Variants in MYOM3 observed in about 807,000 individuals in gnomAD.
MYOM3 encodes myomesin-3.
MYOM3 carries 155 observed loss-of-function variants against 191.7 expected under a neutral mutation model. The observed-to-expected ratio is 0.81, with a 90% CI of 0.71 to 0.92. MYOM3 has a LOEUF of 0.92. MYOM3 is among the 40% of genes least tolerant of loss of function. The pLI, the probability that MYOM3 is intolerant of heterozygous loss-of-function variation, is 0.00. For missense variants in MYOM3, 1,889 were observed against 1,890.6 expected, an observed-to-expected ratio of 1.00 and a Z score of 0.02; for synonymous variants, 757 against 762.9, an observed-to-expected ratio of 0.99 and a Z score of 0.13.
intron 9 of MYOM3, among the ~76,000 whole-genome samples, chr1:24,093,832 GC>G (rs1201834678): frequency 6.6e-6 from 1 of 152,152 alleles, no homozygotes; most frequent in African/African-American, 2.4e-5. Flanking sequence ...AGCAGGTGCA[GC>G]CTCCCTGGGC....
intron 33 of MYOM3, among the ~76,000 whole-genome samples, chr1:24,061,535 A>T (rs1261306655): frequency 3.9e-5 from 6 of 152,170 alleles, no homozygotes; most frequent in South Asian, 2.1e-4. Context: ...AAAATTTTTT[A>T]AAAATATTTC....
intron 4 of MYOM3, 73 bp from the exon 5 acceptor site, chr1:24,106,150 C>G (rs1557618833): frequency 1.4e-6 from 2 of 1,465,346 alleles, no homozygotes; most frequent in Non-Finnish European, 1.8e-6. Context: ...ATTACCTCCC[C>G]ACTGACACCC....
At chr1:24,086,943 G>A in intron 14 of MYOM3, 116 bp from the exon 15 acceptor site, 1 of 1,050,638 alleles carries the variant, frequency 9.5e-7, no homozygotes, top group South Asian at 1.6e-5. Context: ...TCTATACTCA[G>A]CCCAGGCTGC....
Position 24,063,551 on chromosome 1 carries a change from G to T in MYOM3, c.3623-21C>A. The T allele has an allele frequency of 1.9e-6, 3 of 1,614,120 alleles. No individual in the cohort carries two copies. Among genetic ancestry groups the T allele is most frequent in the Non-Finnish European group, 2.5e-6 (3 of 1,180,002 alleles). ...CAGGGCTGGCGGGAAACAGAGAGAA[G>T]GGTTAGCTGGCATAGGGCTCCCCTA... is the stretch of plus-strand genomic sequence containing the variant. On this transcript the variant is annotated intron_variant, in intron 30 of 36. Transcript: ENST00000374434. This position sits in a 1 kb window ranked among gnomAD's most constrained non-coding sequence, Gnocchi z 4.5.
chr1:24,057,762 T>G, intron 36 of MYOM3, 135 bp from the exon 37 acceptor site: 2 of 669,952 alleles, frequency 3.0e-6, no homozygotes, highest in Non-Finnish European at 5.0e-6. Flanking sequence ...TATTATAATT[T>G]ATAAAGGGGA....
At position 24,057,510 on chromosome 1, in the gene MYOM3, C is replaced by A; in HGVS notation, c.4168G>T (p.Val1390Phe). 6.2e-7 allele frequency: 1 copy of A among 1,614,206 alleles called. No homozygotes were observed. Among genetic ancestry groups the A allele is most frequent in the Non-Finnish European group, 8.5e-7 (1 of 1,180,042 alleles). Residue 1390 changes from valine to phenylalanine, a missense_variant, in exon 37 of 37, where the codon GTC becomes TTC. Transcript: ENST00000374434. The stretch of plus-strand genomic sequence containing the variant: ...TTGACCTTCTCAATGGTGATGGTGA[C>A]CTCTGTCCCCCTCACTTCCATGCGG... The part of the protein sequence containing the change: ...RYRMEVRGTE[V>F]TITIEKVNSE...
intron 35 of MYOM3, among the ~76,000 whole-genome samples, chr1:24,059,323 C>T (rs182126555): frequency 2.9e-4 from 44 of 152,234 alleles, no homozygotes; most frequent in Middle Eastern, 3.4e-3. Flanking sequence ...TTTGTAGAGA[C>T]GGGGTTTCGC....
rs1199760413 is a variant in MYOM3, at chr1:24,057,481, A to G, written c.4197T>C (p.Ser1399=). 6.2e-7 allele frequency: 1 copy of G among 1,614,196 alleles called. No homozygotes were observed. The highest frequency in any genetic ancestry group is 1.1e-5 in the South Asian group (1 of 91,090). ...EVTITIEKVN[S]EDSGRYGVFV... Reference sequence around the variant, plus strand: ...AGACGCCGTAGCGGCCGCTGTCTTCACTGTTGACCTTCTCAATGGTGATGG... The same window carrying G: ...AGACGCCGTAGCGGCCGCTGTCTTCGCTGTTGACCTTCTCAATGGTGATGG... The change falls in exon 37 of 37, where the codon AGT becomes AGC. Residue 1399 remains serine (S), a synonymous_variant. Transcript: ENST00000374434.
intron 9 of MYOM3, among the ~76,000 whole-genome samples, chr1:24,093,994 G>A (rs539017305): frequency 6.6e-6 from 1 of 151,934 alleles, no homozygotes; most frequent in African/African-American, 2.4e-5. Flanking sequence ...TCAAGGCCTC[G>A]CCTGAGACAT....
chr1:24,060,693 G>T (rs115688579), intron 35 of MYOM3, among the ~76,000 whole-genome samples: 156 of 152,266 alleles, frequency 1.0e-3, no homozygotes, highest in African/African-American at 3.0e-3. Flanking sequence ...CTTCATCCTG[G>T]ATTCGATGAG....
At position 24,082,156 on chromosome 1, in the gene MYOM3, G is replaced by A. The variant is rs752338873; in HGVS notation, c.2125C>T (p.Leu709=). The A allele has an allele frequency of 6.2e-7, 1 of 1,613,082 alleles. No homozygotes were observed. The highest frequency in any genetic ancestry group is 1.7e-5 in the Admixed American group (1 of 59,894). ...ACCATTTCATTCTTCCCGCAGTTCA[G>A]GAGGGCAAAGCCATATGGGGCAGAC... ...TPSAPYGFAL[L]NCGKNEMVIG... Residue 709 remains leucine, a synonymous_variant, in exon 18 of 37, where the codon CTG becomes TTG. Coordinates refer to ENST00000374434, the MANE Select transcript of MYOM3 (RefSeq NM_152372.4).
intron 10 of MYOM3, 21 bp from the exon 11 acceptor site, chr1:24,092,336 G>A (rs1643850038): frequency 7.4e-7 from 1 of 1,349,114 alleles, no homozygotes; most frequent in South Asian, 2.3e-5. Context: ...GGGGTGAGAG[G>A]GAGGCCCTTC....
Position 24,063,485 on chromosome 1 carries a change from T to A in MYOM3, c.3661+7A>T. The A allele has an allele frequency of 1.9e-6, 3 of 1,614,102 alleles. No homozygotes were observed. Among genetic ancestry groups the A allele is most frequent in the Non-Finnish European group, 2.5e-6 (3 of 1,179,988 alleles). On this transcript the variant is annotated splice_region_variant and intron_variant, in intron 31 of 36. Coordinates refer to ENST00000374434, the MANE Select transcript of MYOM3 (RefSeq NM_152372.4). This position sits in a 1 kb window ranked among gnomAD's most constrained non-coding sequence, Gnocchi z 4.5. ...GGCAGGGCTGGGCAAAGAGGCAGGC[T>A]GCTTACCACCAATCCTGCCCAACTC...
intron 19 of MYOM3, 76 bp downstream of exon 19, chr1:24,081,254 C>T (rs1362343385): frequency 1.3e-6 from 2 of 1,572,418 alleles, no homozygotes; most frequent in Non-Finnish European, 1.7e-6. Context: ...AGGAGAGCGG[C>T]AACCTTCATC....
chr1:24,092,383 C>G (rs951890399), intron 10 of MYOM3, 68 bp from the exon 11 acceptor site: 3 of 1,293,524 alleles, frequency 2.3e-6, no homozygotes, highest in Non-Finnish European at 3.0e-6. Context: ...CCTTCCCACT[C>G]CCGCCCAGCA....
At chr1:24,110,823 G>A (rs1318923085) in intron 1 of MYOM3, among the ~76,000 whole-genome samples, 1 of 152,146 alleles carries the variant, frequency 6.6e-6, no homozygotes, top group East Asian at 1.9e-4. Flanking sequence ...TCTTCCTCAT[G>A]GCCCAGGAGG....
At chr1:24,097,615 C>T (rs930297671) in intron 7 of MYOM3, among the ~76,000 whole-genome samples, 1 of 152,220 alleles carries the variant, frequency 6.6e-6, no homozygotes, top group African/African-American at 2.4e-5. Flanking sequence ...GTCTGGCACA[C>T]AGTGAAGACT....
At chr1:24,071,291 C>A (rs1168619784) in intron 24 of MYOM3, 38 bp from the exon 25 acceptor site, 1 of 1,581,242 alleles carries the variant, frequency 6.3e-7, no homozygotes, top group Non-Finnish European at 8.6e-7. Flanking sequence ...GGGTTGGACC[C>A]CTTCTCCCTT....
rs1222767852 is a variant in MYOM3 at position 24,057,292 on chromosome 1, C to T, written c.*72G>A. ...CCCCACCCCTGTAGCCTGTGCCAGG[C>T]TGTGACCCTGGTACAGGTTGTCCCT... On this transcript the variant is annotated 3_prime_UTR_variant, in exon 37 of 37. Transcript: ENST00000374434. 4 of 1,485,682 alleles carry T rather than the reference C, an allele frequency of 2.7e-6. No individual in the cohort carries two copies. Among genetic ancestry groups the T allele is most frequent in the Non-Finnish European group, 3.7e-6 (4 of 1,083,278 alleles). The allele number at this position is 1,485,682 out of a possible 1,614,324, so 92.0% of individuals were successfully genotyped here.
Sources: gnomAD v4.1 joint callset for allele counts (sites outside exome capture counted in the v4.1 genomes callset) on GRCh38, gnomAD v4.1.1 for gene constraint, Gnocchi (gnomAD v3.1) non-coding constraint, MANE v1.5 for transcripts, NCBI Gene and HGNC (gene_info 2026-07-23, HGNC 2026-07-21) for gene names.